TRHDE: variants seen among roughly 807,000 people sequenced by gnomAD.
TRHDE encodes the protein thyrotropin-releasing hormone-degrading ectoenzyme.
A neutral mutation model predicts 125.7 loss-of-function variants in TRHDE; 72 were observed. The observed-to-expected ratio is 0.57, with a 90% CI of 0.47 to 0.70. The LOEUF (loss-of-function observed/expected upper bound fraction) is 0.70. TRHDE is among the 30% of genes least tolerant of loss of function. The pLI, the probability that TRHDE is intolerant of heterozygous loss-of-function variation, is 0.00. For synonymous variants in TRHDE, 509 were observed against 509.1 expected (o/e 1.00, Z 0.00); for missense variants, 1,110 against 1,327.1 (o/e 0.84, Z 2.54).
At chr12:72,295,831 T>G (rs776385783) in intron 2 of TRHDE, among the ~76,000 whole-genome samples, 1 of 152,108 alleles carries the variant, frequency 6.6e-6, no homozygotes, top group Non-Finnish European at 1.5e-5. Context: ...AGTCCTGTTG[T>G]CATTAGACAT....
At position 72,562,147 on chromosome 12, in the gene TRHDE, AATT is replaced by A; in HGVS notation, c.1789-17_1789-15del. On this transcript the variant is annotated splice_polypyrimidine_tract_variant and intron_variant, in intron 7 of 18. Transcript: ENST00000261180. Reference sequence around the variant, plus strand: ...TGTTTAACCTTTGAATTACAATTACAATTTTATATTCTTGTAGGATTATTTAAC... The same window carrying A: ...TGTTTAACCTTTGAATTACAATTACATTATATTCTTGTAGGATTATTTAAC... The A allele has an allele frequency of 7.7e-7, 1 of 1,297,496 alleles. No homozygotes were observed. Among genetic ancestry groups the A allele is most frequent in the Non-Finnish European group, 1.1e-6 (1 of 909,124 alleles). The allele number at this position is 1,297,496 out of a possible 1,614,324, so 80.4% of individuals were successfully genotyped here.
chr12:72,533,675 T>C (rs1868683803), intron 6 of TRHDE, among the ~76,000 whole-genome samples: 2 of 151,628 alleles, frequency 1.3e-5, no homozygotes, highest in South Asian at 2.1e-4. Context: ...TCATGGACTC[T>C]TTATGTTTTA....
rs150147721 is a variant in TRHDE, at chr12:72,393,205, C to A, written c.1315+15084C>A. Among the ~76,000 whole-genome samples, 343 of 152,198 alleles carry A rather than the reference C, an allele frequency of 2.3e-3. 3 individuals carry two copies. The highest frequency in any genetic ancestry group is 7.9e-3 in the African/African-American group (329 of 41,534). On this transcript the variant is annotated intron_variant, in intron 3 of 18. Transcript: ENST00000261180. ...ATTAACACTTATTTTCCTCTGCAACCTCTAATAATGCTTCAAACTAAGATG... is the reference window on the plus strand; with the variant it reads ...ATTAACACTTATTTTCCTCTGCAACATCTAATAATGCTTCAAACTAAGATG...
In TRHDE at chr12:72,512,481, TATA is replaced by T. The variant is rs973037173; in HGVS notation, c.1722+12856_1722+12858del. Among the ~76,000 whole-genome samples, 44 of 139,550 alleles carry T rather than the reference TATA, an allele frequency of 3.2e-4. 1 individual carries two copies. In the South Asian group the frequency reaches 3.6e-3, roughly 11 times the overall value. 91.6% of individuals were successfully genotyped at this position (139,550 alleles called of 152,430 possible). ...ATAATATATTATATAGTTATAATTATATAATAATAATATATTATATAGTTATAA... is the reference window on the plus strand; with the variant it reads ...ATAATATATTATATAGTTATAATTATATAATAATATATTATATAGTTATAA... On this transcript the variant is annotated intron_variant, in intron 6 of 18. Transcript: ENST00000261180.
chr12:72,373,000 TAGTGA>T (rs1344157354), intron 2 of TRHDE, among the ~76,000 whole-genome samples: 1 of 152,222 alleles, frequency 6.6e-6, no homozygotes, highest in Non-Finnish European at 1.5e-5. Context: ...ATTTTCACGA[TAGTGA>T]TTCTTCCTAC....
At chr12:72,435,524 C>A (rs1371634087) in intron 3 of TRHDE, among the ~76,000 whole-genome samples, 1 of 151,720 alleles carries the variant, frequency 6.6e-6, no homozygotes, top group Non-Finnish European at 1.5e-5. Context: ...TGAAAAAAAT[C>A]TTCTAATTTT....
intron 2 of TRHDE, among the ~76,000 whole-genome samples, chr12:72,199,602 C>T (rs2139354001): frequency 6.6e-6 from 1 of 152,236 alleles, no homozygotes; most frequent in East Asian, 1.9e-4. Flanking sequence ...TGCCCTAACA[C>T]TCCTACAAAC....
chr12:72,648,815 GAATAA>G (rs1874386481), intron 15 of TRHDE, among the ~76,000 whole-genome samples: 1 of 151,416 alleles, frequency 6.6e-6, no homozygotes, highest in African/African-American at 2.4e-5. Flanking sequence ...ACTTTCAAAA[GAATAA>G]AATACTTAGA....
At chr12:72,254,977 T>G (rs1023021553) in intron 2 of TRHDE, 4 of 152,266 alleles carry the variant, frequency 2.6e-5, no homozygotes, top group African/African-American at 7.2e-5. Context: ...CTACTGCTCT[T>G]TTTCCATTCA....
At chr12:72,373,237 T>C (rs1871699027) in intron 2 of TRHDE, among the ~76,000 whole-genome samples, 1 of 152,206 alleles carries the variant, frequency 6.6e-6, no homozygotes, top group Non-Finnish European at 1.5e-5. Context: ...TGTACATTGA[T>C]TTTGTATCCT....
intron 12 of TRHDE, chr12:72,611,099 G>T: frequency 5.8e-6 from 1 of 171,950 alleles, no homozygotes; most frequent in Non-Finnish European, 1.3e-5. Context: ...TGGAGGAGAG[G>T]AGCTGAATTC....
chr12:72,424,214 A>G (rs1874090017), intron 3 of TRHDE, among the ~76,000 whole-genome samples: 1 of 152,100 alleles, frequency 6.6e-6, no homozygotes, highest in Admixed American at 6.6e-5. Flanking sequence ...GGTGGTGGCC[A>G]TTGATACTTG....
chr12:72,320,225 G>A (rs1296259884), intron 2 of TRHDE, among the ~76,000 whole-genome samples: 1 of 151,936 alleles, frequency 6.6e-6, no homozygotes, highest in Non-Finnish European at 1.5e-5. Flanking sequence ...AATATCCATG[G>A]GGGATTTGTT....
Position 72,273,081 on chromosome 12 carries a change from C to G in TRHDE, c.438C>G (p.His146Gln), listed in dbSNP as rs1416354034. The G allele has an allele frequency of 6.6e-7, 1 of 1,525,236 alleles. No individual in the cohort carries two copies. The highest frequency in any genetic ancestry group is 8.8e-7 in the Non-Finnish European group (1 of 1,138,762). The allele number at this position is 1,525,236 out of a possible 1,614,324, so 94.5% of individuals were successfully genotyped here. Residue 146 changes from histidine (H) to glutamine (Q), a missense_variant, in exon 1 of 19, where the codon CAC (histidine) becomes CAG (glutamine). By Grantham distance (24) the His-to-Gln change is conservative (BLOSUM62 0). This residue lies in a region of TRHDE where 248 missense variants were observed against 240.8 expected (regional missense o/e 1.03). Transcript: ENST00000261180. The surrounding 1 kb of genome is among the most constrained non-coding windows in gnomAD (Gnocchi z 5.3). Reference sequence around the variant, plus strand: ...CTGGATCGGCCCGGCGCAACCACCACGCAGGCGGGGACTCCTGGCAGCCCG... The same window carrying G: ...CTGGATCGGCCCGGCGCAACCACCAGGCAGGCGGGGACTCCTGGCAGCCCG... ...SLPGSARRNH[H>Q]AGGDSWQPEA...
chr12:72,441,491 G>A (rs1410991566), intron 3 of TRHDE, among the ~76,000 whole-genome samples: 1 of 151,832 alleles, frequency 6.6e-6, no homozygotes, highest in Non-Finnish European at 1.5e-5. Context: ...CATCAAGCTG[G>A]ACAGGCGGGA....
At chr12:72,534,791 T>C (rs1868767132) in intron 6 of TRHDE, among the ~76,000 whole-genome samples, 1 of 152,090 alleles carries the variant, frequency 6.6e-6, no homozygotes, top group Admixed American at 6.6e-5. Context: ...CCTGTGCTTT[T>C]AATAATGTAT....
chr12:72,565,761 T>C (rs1355782185), intron 9 of TRHDE, among the ~76,000 whole-genome samples: 10 of 152,168 alleles, frequency 6.6e-5, no homozygotes, highest in Non-Finnish European at 1.5e-4. Context: ...ACCCATTCTT[T>C]ACTACCTTAA....
intron 15 of TRHDE, among the ~76,000 whole-genome samples, chr12:72,626,501 A>T (rs1426006106): frequency 1.3e-5 from 2 of 151,896 alleles, no homozygotes; most frequent in Admixed American, 1.3e-4. Context: ...TCTTACAAGG[A>T]TGTGACCTGT....
chr12:72,377,836 G>A (rs1247530564), intron 2 of TRHDE, among the ~76,000 whole-genome samples, 159 bp from the exon 3 acceptor site: 1 of 152,026 alleles, frequency 6.6e-6, no homozygotes, highest in East Asian at 1.9e-4. Context: ...GTTTAAGTTT[G>A]GTCCTTTCAG....
Sources: allele counts gnomAD v4.1 joint callset (sites outside exome capture counted in the v4.1 genomes callset), GRCh38; gene constraint gnomAD v4.1.1; regional missense constraint gnomAD v4.1.1; non-coding constraint Gnocchi (gnomAD v3.1); transcripts MANE v1.5; gene names NCBI Gene and HGNC (gene_info 2026-07-23, HGNC 2026-07-21).